The following CES1 variants were observed in gnomAD, a reference collection of about 807,000 sequenced individuals.
CES1 encodes carboxylesterase 1, also known as liver carboxylesterase 1.
CES1 carries 50 observed loss-of-function variants against 53.0 expected under a neutral mutation model. The observed-to-expected ratio is 0.94, with a 90% CI of 0.75 to 1.19. The LOEUF is 1.19. Ranked by LOEUF, CES1 falls within the 50% of genes most tolerant of loss-of-function variation. The pLI is 0.00. For missense variants in CES1, 534 were observed against 538.0 expected (o/e 0.99, Z 0.07); for synonymous variants, 202 against 210.1 (o/e 0.96, Z 0.33).
At chr16:55,829,530 G>T (rs2032558750) in intron 1 of CES1, among the ~76,000 whole-genome samples, 2 of 152,238 alleles carry the variant, frequency 1.3e-5, no homozygotes, top group South Asian at 4.1e-4. Context: ...ACTGAATGAG[G>T]GGAGATGAGA....
chr16:55,819,071 G>A lies in CES1; in HGVS notation c.906+464C>T, dbSNP rs76844913. On this transcript the variant is annotated intron_variant, in intron 7 of 13. Transcript: ENST00000360526. The stretch of plus-strand genomic sequence containing the variant: ...CGGATTAACGAATGGGTGGATGGAT[G>A]ACTATCCTAGGATGACAACTGAGTC... Among the ~76,000 whole-genome samples the A allele has an allele frequency of 3.4e-3, 517 of 152,360 alleles. 2 individuals carry two copies. Among genetic ancestry groups the A allele is most frequent in the African/African-American group, 0.012 (502 of 41,582 alleles).
rs148255332 is a variant in CES1 at position 55,820,108 on chromosome 16, G to A, written c.801+264C>T. 2,319 of 590,870 alleles carry A rather than the reference G, an allele frequency of 3.9e-3. 38 individuals are homozygous for A. The African/African-American group carries it at 0.04, about 10-fold the overall frequency. The allele number at this position is 590,870 out of a possible 1,614,324, so 36.6% of individuals were successfully genotyped here. A position where few individuals can be genotyped will look rare whatever the true frequency, so the allele number is the denominator to read the frequency against. On this transcript the variant is annotated intron_variant, in intron 6 of 13. Transcript: ENST00000360526. ...ATAGGGCACTGTACTGGCTGCTAGGGCCATGAGCTGGAGTCCCAGCTCTGC... is the reference window on the plus strand; with the variant it reads ...ATAGGGCACTGTACTGGCTGCTAGGACCATGAGCTGGAGTCCCAGCTCTGC...
In CES1 at chr16:55,810,921, TCTTA is replaced by T; in HGVS notation, c.1170+2_1170+5del. ...CAGCCAATTCCCATGATTCCTAGAC[TCTTA>T]CAACAAGGGGATAGGACTTCCACAG... On this transcript the variant is annotated splice_donor_variant and splice_donor_5th_base_variant and intron_variant, in intron 10 of 13. Coordinates refer to ENST00000360526, the MANE Select transcript of CES1 (RefSeq NM_001025195.2). LOFTEE classifies it high-confidence loss of function. 6.2e-7 allele frequency: 1 copy of T among 1,611,916 alleles called. No individual in the cohort carries two copies. The highest frequency in any genetic ancestry group is 1.7e-5 in the Admixed American group (1 of 59,972).
At chr16:55,816,796 T>C in intron 8 of CES1, 128 bp downstream of exon 8, 5 of 1,175,332 alleles carry the variant, frequency 4.3e-6, no homozygotes, top group Non-Finnish European at 6.4e-6. Context: ...TACCCCTCTC[T>C]GGGCCTCAGA....
chr16:55,819,127 C>T (rs112080933), intron 7 of CES1, among the ~76,000 whole-genome samples: 2 of 152,304 alleles, frequency 1.3e-5, no homozygotes, highest in South Asian at 4.1e-4. Context: ...ACTGGACCAC[C>T]ACTAGGTCTA....
chr16:55,816,102 C>T (rs1358047431), intron 8 of CES1, among the ~76,000 whole-genome samples: 1 of 152,284 alleles, frequency 6.6e-6, no homozygotes. Flanking sequence ...TCTCATTGAA[C>T]CATTCCCTGA....
rs1198188500 is a variant in CES1, at chr16:55,816,949, A to T, written c.920T>A (p.Leu307Gln). 2 of 1,614,054 alleles carry T rather than the reference A, an allele frequency of 1.2e-6. No individual in the cohort carries two copies. Among genetic ancestry groups the T allele is most frequent in the Non-Finnish European group, 8.5e-7 (1 of 1,180,014 alleles). The change falls in exon 8 of 14, where the codon CTG becomes CAG. Residue 307 changes from leucine (L) to glutamine (Q), a missense_variant. By Grantham distance (113) the Leu-to-Gln change is moderately radical. Transcript: ENST00000360526. The part of the protein sequence containing the change: ...ETTLKMKFLS[L>Q]DLQGDPRESQ... ...CTCTCTGGGGTCTCCCTGTAAGTCC[A>T]GAGATAAGAATTTCTGTGAAGACAA...
At chr16:55,829,125 G>A (rs1483194450) in intron 1 of CES1, 151 bp from the exon 2 acceptor site, 7 of 843,576 alleles carry the variant, frequency 8.3e-6, no homozygotes, top group African/African-American at 3.4e-5. Flanking sequence ...TAGGGATGAC[G>A]ATCAATGTCC....
chr16:55,825,309 C>T (rs1389443441), intron 3 of CES1, among the ~76,000 whole-genome samples: 1 of 152,202 alleles, frequency 6.6e-6, no homozygotes, highest in Non-Finnish European at 1.5e-5. Flanking sequence ...TCCTAGGCAC[C>T]ATGCCACGGT....
intron 1 of CES1, among the ~76,000 whole-genome samples, chr16:55,830,628 C>A (rs113409676): frequency 2.6e-5 from 4 of 152,008 alleles, no homozygotes; most frequent in South Asian, 4.2e-4. Flanking sequence ...CATGGTGAAA[C>A]CCCCTCTCTA....
At chr16:55,811,274 G>T (rs1227437951) in intron 9 of CES1, among the ~76,000 whole-genome samples, 2 of 151,282 alleles carry the variant, frequency 1.3e-5, no homozygotes, top group Non-Finnish European at 2.9e-5. Flanking sequence ...GTGTGTGTGT[G>T]TGCGCGCGTG....
At chr16:55,813,149 A>G in intron 8 of CES1, 106 bp from the exon 9 acceptor site, 2 of 1,461,532 alleles carry the variant, frequency 1.4e-6, no homozygotes, top group Non-Finnish European at 9.5e-7. Context: ...CGGCATGGCC[A>G]TGCGCCATGG....
In CES1 at chr16:55,810,812, T is replaced by C. The variant is rs1441280058; in HGVS notation, c.1170+115A>G. 20 of 1,406,492 alleles carry C rather than the reference T, an allele frequency of 1.4e-5. No individual in the cohort carries two copies. In the African/African-American group the frequency reaches 1.4e-4, roughly 10 times the overall value. 87.1% of individuals were successfully genotyped at this position (1,406,492 alleles called of 1,614,324 possible). A position where few individuals can be genotyped will look rare whatever the true frequency, so the allele number is the denominator to read the frequency against. Reference sequence around the variant, plus strand: ...AAATGAAGTGGGAAAGGTGGAAAGATGGGGGAAACCCTGAGGCCCCAGTCT... The same window carrying C: ...AAATGAAGTGGGAAAGGTGGAAAGACGGGGGAAACCCTGAGGCCCCAGTCT... On this transcript the variant is annotated intron_variant, in intron 10 of 13. Transcript: ENST00000360526.
chr16:55,816,909 A>G lies in CES1; in HGVS notation c.945+15T>C, dbSNP rs775761906. 39 of 1,613,740 alleles carry G rather than the reference A, an allele frequency of 2.4e-5. No homozygotes were observed. In the African/African-American group the frequency reaches 4.9e-4, roughly 20 times the overall value. ...AAGACTCAAAACCCGTAATCCAGAA[A>G]CAAAAGGTCCTTACCTCTCTGGGGT... On this transcript the variant is annotated intron_variant, in intron 8 of 13. Coordinates refer to ENST00000360526, the MANE Select transcript of CES1 (RefSeq NM_001025195.2).
At chr16:55,816,839 A>G in intron 8 of CES1, 85 bp downstream of exon 8, 2 of 1,453,122 alleles carry the variant, frequency 1.4e-6, no homozygotes, top group South Asian at 2.3e-5. Context: ...TAATTACCCA[A>G]GAGATGATTC....
chr16:55,813,850 C>G (rs1299031859), intron 8 of CES1, among the ~76,000 whole-genome samples: 1 of 152,222 alleles, frequency 6.6e-6, no homozygotes, highest in Admixed American at 6.5e-5. Flanking sequence ...AAATAGACCG[C>G]GAAGAGGACA....
intron 9 of CES1, among the ~76,000 whole-genome samples, chr16:55,811,708 C>A (rs545679188): frequency 5.3e-5 from 8 of 152,296 alleles, no homozygotes; most frequent in African/African-American, 1.9e-4. Flanking sequence ...GTCCCCGAAC[C>A]CAACTAGAGC....
At chr16:55,818,812 G>A (rs1275419673) in intron 7 of CES1, among the ~76,000 whole-genome samples, 2 of 151,806 alleles carry the variant, frequency 1.3e-5, no homozygotes, top group Non-Finnish European at 2.9e-5. Flanking sequence ...GAATTGAATG[G>A]ATACATGAAT....
At position 55,821,501 on chromosome 16, in the gene CES1, C is replaced by G. The variant is rs60054861; in HGVS notation, c.560G>C (p.Arg187Pro). 7.6e-3 allele frequency: 12,201 copies of G among 1,614,072 alleles called. 663 individuals carry two copies. The African/African-American group carries it at 0.12, about 16-fold the overall frequency. Reference protein sequence around the residue: ...GFFSTGDEHSRGNWGHLDQVA... With the variant: ...GFFSTGDEHSPGNWGHLDQVA... The stretch of plus-strand genomic sequence containing the variant: ...CTGGTCCAGGTGACCCCAGTTCCCC[C>G]GGCTGTGTTCATCCCCTGTGCTGTG... Residue 187 changes from arginine to proline, a missense_variant, in exon 5 of 14, where the codon CGG becomes CCG. Physicochemically the swap from Arg to Pro is moderately radical, Grantham distance 103. Around this residue, in one of 5 missense-constraint regions of CES1, gnomAD observed 85 missense variants for 81.9 expected, o/e 1.04. Transcript: ENST00000360526.
Sources: allele counts gnomAD v4.1 joint callset (sites outside exome capture counted in the v4.1 genomes callset), GRCh38; gene constraint gnomAD v4.1.1; regional missense constraint gnomAD v4.1.1; transcripts MANE v1.5; gene names NCBI Gene and HGNC (gene_info 2026-07-23, HGNC 2026-07-21).